The following PPHLN1 variants were observed in gnomAD, a reference collection of about 807,000 sequenced individuals.
PPHLN1 encodes periphilin 1.
In PPHLN1, 29 loss-of-function variants were observed where a neutral mutation model predicts 51.3. The ratio of observed to expected loss-of-function variants is 0.57; its 90% CI spans 0.42 to 0.77. The LOEUF (loss-of-function observed/expected upper bound fraction) is 0.77. Ranked by LOEUF, PPHLN1 falls within the 30% of genes least tolerant of loss-of-function variation. The pLI is 0.00. For missense variants in PPHLN1, 436 were observed against 438.4 expected, an observed-to-expected ratio of 0.99 and a Z score of 0.05; for synonymous variants, 147 against 147.8, an observed-to-expected ratio of 0.99 and a Z score of 0.04.
At chr12:42,417,421 G>A (rs929542198) in intron 9 of PPHLN1, among the ~76,000 whole-genome samples, 1 of 152,124 alleles carries the variant, frequency 6.6e-6, no homozygotes, top group African/African-American at 2.4e-5. Context: ...ATGGGATAGG[G>A]AGGAGGGGGA....
chr12:42,358,081 C>T (rs1410092253), intron 4 of PPHLN1, among the ~76,000 whole-genome samples: 1 of 152,068 alleles, frequency 6.6e-6, no homozygotes, highest in African/African-American at 2.4e-5. Context: ...ATGGCTGAAT[C>T]GTATGCCATT....
At chr12:42,421,658 T>C (rs1033468854) in intron 9 of PPHLN1, among the ~76,000 whole-genome samples, 3 of 152,156 alleles carry the variant, frequency 2.0e-5, no homozygotes, top group African/African-American at 4.8e-5. Context: ...GTGACAAATA[T>C]CTTAAACAAA....
intron 9 of PPHLN1, among the ~76,000 whole-genome samples, chr12:42,414,069 T>G (rs1227826481): frequency 6.6e-6 from 1 of 151,948 alleles, no homozygotes. Context: ...AGTGTTTCAC[T>G]CTTGTTGCTC....
intron 4 of PPHLN1, among the ~76,000 whole-genome samples, chr12:42,368,968 G>C (rs879731886): frequency 1.3e-5 from 2 of 152,150 alleles, no homozygotes; most frequent in Non-Finnish European, 2.9e-5. Context: ...CAGGACGTGC[G>C]TAATTATTTA....
intron 5 of PPHLN1, among the ~76,000 whole-genome samples, chr12:42,379,202 A>G (rs1592562854): frequency 6.6e-6 from 1 of 151,932 alleles, no homozygotes; most frequent in African/African-American, 2.4e-5. Flanking sequence ...AAAAGTGATG[A>G]AAAAAATCAC....
intron 9 of PPHLN1, among the ~76,000 whole-genome samples, chr12:42,413,998 C>T (rs2080132227): frequency 6.7e-6 from 1 of 150,318 alleles, no homozygotes; most frequent in Non-Finnish European, 1.5e-5. Flanking sequence ...TTTTCTAATT[C>T]TGTGAAAAAT....
intron 2 of PPHLN1, among the ~76,000 whole-genome samples, chr12:42,337,777 T>TTTTATTTTGTTTTATTTTA: frequency 7.1e-6 from 1 of 140,448 alleles, no homozygotes; most frequent in African/African-American, 2.8e-5. Context: ...TTTTATTTTA[T>TTTTATTTTGTTTTATTTTA]TTTATTTATT....
chr12:42,408,842 GAAAA>G (rs892120950), intron 9 of PPHLN1, among the ~76,000 whole-genome samples: 1 of 152,094 alleles, frequency 6.6e-6, no homozygotes, highest in African/African-American at 2.4e-5. Context: ...GTCACACTGA[GAAAA>G]AACTATTCCT....
chr12:42,343,982 A>C, intron 2 of PPHLN1: 2 of 357,728 alleles, frequency 5.6e-6, no homozygotes, highest in Non-Finnish European at 1.1e-5. Flanking sequence ...GGAAATTACA[A>C]GCTTATGAAA....
intron 7 of PPHLN1, among the ~76,000 whole-genome samples, chr12:42,389,444 C>T (rs1475876863): frequency 6.6e-6 from 1 of 151,820 alleles, no homozygotes; most frequent in Non-Finnish European, 1.5e-5. Context: ...CCTGTAGTCC[C>T]AGGTACTTGG....
At chr12:42,445,561 TTA>T (rs1362441837), downstream of PPHLN1, 1 of 193,916 alleles carries the variant, frequency 5.2e-6, no homozygotes, top group Admixed American at 5.3e-5. Context: ...CTTTTAACTT[TTA>T]TGTTTATGGG....
chr12:42,378,272 C>T (rs989219120), intron 5 of PPHLN1, among the ~76,000 whole-genome samples: 7 of 152,034 alleles, frequency 4.6e-5, no homozygotes, highest in East Asian at 1.9e-4. Context: ...TTCTATTTTC[C>T]CTTCCTGTTT....
intron 9 of PPHLN1, among the ~76,000 whole-genome samples, chr12:42,421,160 A>C (rs11181497): frequency 6.6e-6 from 1 of 152,162 alleles, no homozygotes; most frequent in African/African-American, 2.4e-5. Context: ...TTAAAAATCA[A>C]CTTTTTCTCA....
Position 42,337,751 on chromosome 12 carries a change from T to TTTTTATTTTATTTTA in PPHLN1, c.72+1796_72+1810dup, listed in dbSNP as rs567793160. Among the ~76,000 whole-genome samples the TTTTTATTTTATTTTA allele has an allele frequency of 6.3e-3, 899 of 142,318 alleles. 11 individuals carry two copies. The highest frequency in any genetic ancestry group is 0.021 in the African/African-American group (786 of 37,694). 93.4% of individuals were successfully genotyped at this position (142,318 alleles called of 152,430 possible). The stretch of plus-strand genomic sequence containing the variant: ...GATTGCATGCCACCATACCTGGCTA[T>TTTTTATTTTATTTTA]TTTTATTTTATTTTATTTTATTTTA... On this transcript the variant is annotated intron_variant, in intron 2 of 9. Coordinates refer to ENST00000358314, the MANE Select transcript of PPHLN1 (RefSeq NM_201439.2).
intron 8 of PPHLN1, 98 bp from the exon 9 acceptor site, chr12:42,398,756 C>T: frequency 1.0e-6 from 1 of 994,860 alleles, no homozygotes; most frequent in Non-Finnish European, 1.4e-6. Context: ...TTAAATCTAG[C>T]ACTTAATATA....
At chr12:42,418,479 A>G (rs1468365721) in intron 9 of PPHLN1, among the ~76,000 whole-genome samples, 1 of 152,028 alleles carries the variant, frequency 6.6e-6, no homozygotes, top group Non-Finnish European at 1.5e-5. Flanking sequence ...AGTCTTCACC[A>G]TGGCTATAGA....
chr12:42,433,548 C>T (rs1325615729), intron 9 of PPHLN1, among the ~76,000 whole-genome samples: 1 of 152,178 alleles, frequency 6.6e-6, no homozygotes, highest in Non-Finnish European at 1.5e-5. Context: ...TGGTCTCGAT[C>T]TCCTGACCTC....
At chr12:42,389,907 G>A (rs1174471562) in intron 7 of PPHLN1, among the ~76,000 whole-genome samples, 2 of 152,138 alleles carry the variant, frequency 1.3e-5, no homozygotes, top group Non-Finnish European at 2.9e-5. Flanking sequence ...TAAGGACATA[G>A]CTACCCCTCA....
At chr12:42,395,036 T>C (rs1248413930) in intron 8 of PPHLN1, among the ~76,000 whole-genome samples, 1 of 152,144 alleles carries the variant, frequency 6.6e-6, no homozygotes, top group Non-Finnish European at 1.5e-5. Context: ...TCATTTTTTA[T>C]CTCAGGTTTT....
Sources: gnomAD v4.1 joint callset for allele counts (sites outside exome capture counted in the v4.1 genomes callset) on GRCh38, gnomAD v4.1.1 for gene constraint, MANE v1.5 for transcripts, NCBI Gene and HGNC (gene_info 2026-07-23, HGNC 2026-07-21) for gene names.